Variants in PGLYRP1 observed in about 807,000 individuals in gnomAD.
The protein encoded by PGLYRP1 is TNF superfamily, member 3 (LTB)-like (peptidoglycan recognition protein).
Under a neutral mutation model 16.3 loss-of-function variants are expected in PGLYRP1, and 18 were observed. The ratio of observed to expected loss-of-function variants is 1.11; its 90% CI spans 0.77 to 1.64. PGLYRP1 has a LOEUF of 1.64. Among genes scored for constraint, PGLYRP1 ranks in the 40% most tolerant of loss-of-function variants. PGLYRP1 has a pLI of 0.00. For synonymous variants in PGLYRP1, 89 were observed against 105.7 expected (o/e 0.84, Z 0.97); for missense variants, 261 against 268.6 (o/e 0.97, Z 0.20).
chr19:46,019,878 A>T lies in PGLYRP1; in HGVS notation c.288-231T>A, dbSNP rs531550058. Among the ~76,000 whole-genome samples, 2 of 152,254 alleles carry T rather than the reference A, an allele frequency of 1.3e-5. No homozygotes were observed. The highest frequency in any genetic ancestry group is 2.1e-4 in the South Asian group (1 of 4,826). ...ATACACCTTTTTCCATCCTCACAGC[A>T]ACCCTGTGAGTCACTATCACCCCCG... On this transcript the variant is annotated intron_variant, in intron 1 of 2. Transcript: ENST00000008938. This position sits in a 1 kb window ranked among gnomAD's most constrained non-coding sequence, Gnocchi z 4.8.
intron 1 of PGLYRP1, chr19:46,021,299 T>C (rs953286657): frequency 6.6e-6 from 1 of 152,272 alleles, no homozygotes; most frequent in Non-Finnish European, 1.5e-5. Flanking sequence ...TTGGAGTCTT[T>C]GATAAAATCT....
Position 46,019,465 on chromosome 19 carries a change from G to C in PGLYRP1, c.410-46C>G. 6.2e-7 allele frequency: 1 copy of C among 1,612,270 alleles called. No homozygotes were observed. On this transcript the variant is annotated intron_variant, in intron 2 of 2. Coordinates refer to ENST00000008938, the MANE Select transcript of PGLYRP1 (RefSeq NM_005091.3). The surrounding 1 kb of genome is among the most constrained non-coding windows in gnomAD (Gnocchi z 4.8). ...AGTCAGGCAGGGGCTTCCCCGAAGG[G>C]GAAGTGATAGCGTAGGGCCCCGTGT...
At position 46,019,577 on chromosome 19, in the gene PGLYRP1, G is replaced by A; in HGVS notation, c.358C>T (p.His120Tyr). 2.5e-6 allele frequency: 4 copies of A among 1,613,994 alleles called. No homozygotes were observed. The highest frequency in any genetic ancestry group is 3.4e-6 in the Non-Finnish European group (4 of 1,179,936). ...GWNFTGAHSG[H>Y]LWNPMSIGIS... is the part of the protein sequence containing the mutation. The stretch of plus-strand genomic sequence containing the variant: ...CCAATGGACATGGGGTTCCATAAGT[G>A]ACCTGAGTGGGCACCCGTGAAGTTC... The change falls in exon 2 of 3, where the codon CAC becomes TAC. Residue 120 changes from histidine to tyrosine, a missense_variant. His to Tyr is a moderately conservative substitution (Grantham distance 83). Coordinates refer to ENST00000008938, the MANE Select transcript of PGLYRP1 (RefSeq NM_005091.3). The surrounding 1 kb of genome is among the most constrained non-coding windows in gnomAD (Gnocchi z 4.8).
rs573916071 is a variant in PGLYRP1 at position 46,019,622 on chromosome 19, C to T, written c.313G>A (p.Val105Ile). 2.2e-5 allele frequency: 35 copies of T among 1,613,646 alleles called. No individual in the cohort carries two copies. Among genetic ancestry groups the T allele is most frequent in the Non-Finnish European group, 2.7e-5 (32 of 1,179,946 alleles). Residue 105 changes from valine (V) to isoleucine (I), a missense_variant, in exon 2 of 3, where the codon GTA (valine) becomes ATA (isoleucine). Val to Ile is a conservative substitution (Grantham distance 29). Transcript: ENST00000008938. This position sits in a 1 kb window ranked among gnomAD's most constrained non-coding sequence, Gnocchi z 4.8. ...AAGTTCCAGCCACGGCCCTCGTATA[C>T]GAGCCCGTCTTCTCCAATCAGGAAG... ...YNFLIGEDGLVYEGRGWNFTG... is the reference protein window; with the variant it reads ...YNFLIGEDGLIYEGRGWNFTG...
At chr19:46,021,163 A>G (rs1222596525) in intron 1 of PGLYRP1, 1 of 152,404 alleles carries the variant, frequency 6.6e-6, no homozygotes, top group East Asian at 1.9e-4. Flanking sequence ...TCGGAATCCT[A>G]AAAGCTGAGG....
rs769427774 is a variant in PGLYRP1, at chr19:46,019,498, C to T, written c.409+28G>A. 5 of 1,613,194 alleles carry T rather than the reference C, an allele frequency of 3.1e-6. No individual in the cohort carries two copies. Among genetic ancestry groups the T allele is most frequent in the East Asian group, 2.2e-5 (1 of 44,874 alleles). The stretch of plus-strand genomic sequence containing the variant: ...TAGCGTAGGGCCCCGTGTCAGCCCC[C>T]ATCCCAACTGGCTGGACAGTCACTC... On this transcript the variant is annotated intron_variant, in intron 2 of 2. Transcript: ENST00000008938. The surrounding 1 kb of genome is among the most constrained non-coding windows in gnomAD (Gnocchi z 4.8).
intron 1 of PGLYRP1, 21 bp downstream of exon 1, chr19:46,022,714 G>A (rs543761741): frequency 3.7e-6 from 6 of 1,613,078 alleles, no homozygotes; most frequent in South Asian, 2.2e-5. Flanking sequence ...AGTCCAGCCC[G>A]TGCCCCCCTG....
At chr19:46,022,611 A>C in intron 1 of PGLYRP1, 124 bp downstream of exon 1, 2 of 1,080,622 alleles carry the variant, frequency 1.9e-6, no homozygotes, top group Non-Finnish European at 2.7e-6. Flanking sequence ...AGGTTCAGTA[A>C]GCTGCTCAGG....
chr19:46,019,579 C>A lies in PGLYRP1; in HGVS notation c.356G>T (p.Gly119Val). Residue 119 changes from glycine to valine, a missense_variant, in exon 2 of 3, where the codon GGT becomes GTT. Coordinates refer to ENST00000008938, the MANE Select transcript of PGLYRP1 (RefSeq NM_005091.3). This position sits in a 1 kb window ranked among gnomAD's most constrained non-coding sequence, Gnocchi z 4.8. ...RGWNFTGAHS[G>V]HLWNPMSIGI... Reference sequence around the variant, plus strand: ...AATGGACATGGGGTTCCATAAGTGACCTGAGTGGGCACCCGTGAAGTTCCA... The same window carrying A: ...AATGGACATGGGGTTCCATAAGTGAACTGAGTGGGCACCCGTGAAGTTCCA... 1 of 1,614,016 alleles carries A rather than the reference C, an allele frequency of 6.2e-7. No individual in the cohort carries two copies. Among genetic ancestry groups the A allele is most frequent in the Non-Finnish European group, 8.5e-7 (1 of 1,179,960 alleles).
intron 1 of PGLYRP1, 69 bp downstream of exon 1, chr19:46,022,666 C>G (rs1969057599): frequency 1.3e-6 from 2 of 1,573,494 alleles, no homozygotes; most frequent in East Asian, 2.2e-5. Context: ...AATGGTCCCG[C>G]TGGCGGGCAC....
At chr19:46,020,865 G>C (rs1212959012) in intron 1 of PGLYRP1, among the ~76,000 whole-genome samples, 1 of 152,218 alleles carries the variant, frequency 6.6e-6, no homozygotes, top group Non-Finnish European at 1.5e-5. Flanking sequence ...TCTGGCCCCA[G>C]TGATGCTGGC....
At chr19:46,020,767 G>T (rs995765616) in intron 1 of PGLYRP1, among the ~76,000 whole-genome samples, 2 of 152,208 alleles carry the variant, frequency 1.3e-5, no homozygotes, top group Non-Finnish European at 2.9e-5. Flanking sequence ...CAGCCCCCGC[G>T]CTCACAGTGT....
intron 1 of PGLYRP1, among the ~76,000 whole-genome samples, chr19:46,020,277 T>G (rs961011391): frequency 6.6e-6 from 1 of 151,630 alleles, no homozygotes; most frequent in Non-Finnish European, 1.5e-5. Context: ...CCCGGCTAAT[T>G]TTTGTATTAT....
Position 46,022,939 on chromosome 19 carries a change from G to A in PGLYRP1, c.83C>T (p.Ala28Val), listed in dbSNP as rs774560101. 6.2e-7 allele frequency: 1 copy of A among 1,609,954 alleles called. No homozygotes were observed. The highest frequency in any genetic ancestry group is 8.5e-7 in the Non-Finnish European group (1 of 1,178,252). ...LGAAQETEDP[A>V]CCSPIVPRNE... The stretch of plus-strand genomic sequence containing the variant: ...CCGGGGCACTATGGGGCTGCAGCAG[G>A]CCGGGTCTTCTGTCTCCTGAGCCGC... The change falls in exon 1 of 3, where the codon GCC (alanine) becomes GTC (valine). Residue 28 changes from alanine to valine, a missense_variant. By Grantham distance (64) the Ala-to-Val change is moderately conservative. Transcript: ENST00000008938.
intron 1 of PGLYRP1, among the ~76,000 whole-genome samples, chr19:46,022,479 C>A (rs941995706): frequency 6.6e-6 from 1 of 152,258 alleles, no homozygotes; most frequent in Non-Finnish European, 1.5e-5. Flanking sequence ...CAAAGCCTGC[C>A]CCTTCTTCCC....
At chr19:46,020,236 G>A (rs1305689232) in intron 1 of PGLYRP1, among the ~76,000 whole-genome samples, 2 of 151,730 alleles carry the variant, frequency 1.3e-5, no homozygotes, top group African/African-American at 4.9e-5. Context: ...AGCCTCCTGA[G>A]TACCTGGGAT....
At chr19:46,021,867 C>A (rs1282066696) in intron 1 of PGLYRP1, among the ~76,000 whole-genome samples, 1 of 152,146 alleles carries the variant, frequency 6.6e-6, no homozygotes, top group Non-Finnish European at 1.5e-5. Flanking sequence ...CCACTCAACC[C>A]CGTTGGCTTT....
At chr19:46,022,232 G>T (rs1969051816) in intron 1 of PGLYRP1, among the ~76,000 whole-genome samples, 1 of 152,240 alleles carries the variant, frequency 6.6e-6, no homozygotes, top group African/African-American at 2.4e-5. Context: ...GTTCCTAGGT[G>T]CTTTGCCTGT....
chr19:46,020,879 T>C (rs1341578379), intron 1 of PGLYRP1, among the ~76,000 whole-genome samples: 1 of 152,168 alleles, frequency 6.6e-6, no homozygotes, highest in Non-Finnish European at 1.5e-5. Context: ...TGCTGGCTGC[T>C]GGGACTGGCT....
Sources: gnomAD v4.1 joint callset for allele counts (sites outside exome capture counted in the v4.1 genomes callset) on GRCh38, gnomAD v4.1.1 for gene constraint, Gnocchi (gnomAD v3.1) non-coding constraint, MANE v1.5 for transcripts, NCBI Gene and HGNC (gene_info 2026-07-23, HGNC 2026-07-21) for gene names.